Variants in STPG2 observed in about 807,000 individuals in gnomAD.
The protein encoded by STPG2 is sperm-tail PG-rich repeat-containing protein 2.
STPG2 carries 56 observed loss-of-function variants against 54.2 expected under a neutral mutation model. The observed-to-expected ratio is 1.03, with a 90% CI of 0.83 to 1.29. The LOEUF (loss-of-function observed/expected upper bound fraction) is 1.29, where lower values mean the gene tolerates loss of function less well. STPG2 is among the 50% of genes most tolerant of loss of function. The probability of loss-of-function intolerance (pLI) is 0.00; values close to 1 mark genes in which losing one functional copy is unlikely to be tolerated. For synonymous variants in STPG2, 200 were observed against 181.8 expected (o/e 1.10, Z -0.81); for missense variants, 596 against 544.9 (o/e 1.09, Z -0.93).
chr4:97,904,159 A>G (rs1731299583), intron 8 of STPG2, among the ~76,000 whole-genome samples: 1 of 152,210 alleles, frequency 6.6e-6, no homozygotes, highest in African/African-American at 2.4e-5. Context: ...GCACAGAAAA[A>G]CAAAAAGACA....
chr4:97,678,203 GT>G (rs1322034890), intron 10 of STPG2, among the ~76,000 whole-genome samples: 1 of 151,820 alleles, frequency 6.6e-6, no homozygotes, highest in East Asian at 1.9e-4. Flanking sequence ...CACTTACAGG[GT>G]TTTTTTCAGT....
chr4:97,744,681 G>T (rs1446659565), intron 9 of STPG2, among the ~76,000 whole-genome samples: 2 of 150,980 alleles, frequency 1.3e-5, no homozygotes, highest in Non-Finnish European at 3.0e-5. Context: ...TTATAAATTG[G>T]CACAGCAGGA....
chr4:97,474,693 A>T (rs1016823383), intron 4 of STPG2, among the ~76,000 whole-genome samples: 1 of 152,012 alleles, frequency 6.6e-6, no homozygotes, highest in South Asian at 2.1e-4. Flanking sequence ...ATTTTATTGA[A>T]TTTTTATAAA....
chr4:98,019,535 T>C (rs1343920669), intron 5 of STPG2, among the ~76,000 whole-genome samples: 1 of 151,924 alleles, frequency 6.6e-6, no homozygotes, highest in African/African-American at 2.4e-5. Context: ...TTAAAGTAGT[T>C]TTTTCCAATT....
At chr4:97,977,185 C>T (rs745975403) in intron 6 of STPG2, among the ~76,000 whole-genome samples, 1 of 152,170 alleles carries the variant, frequency 6.6e-6, no homozygotes, top group Non-Finnish European at 1.5e-5. Context: ...TTCCCTTTTA[C>T]TTCTCTGACA....
chr4:97,946,462 C>A (rs749601093), intron 7 of STPG2, among the ~76,000 whole-genome samples: 9 of 152,232 alleles, frequency 5.9e-5, no homozygotes, highest in Non-Finnish European at 1.3e-4. Context: ...GTCATGAATT[C>A]TTTGCCTAAG....
intron 4 of STPG2, among the ~76,000 whole-genome samples, chr4:97,456,893 A>AC (rs1438021420): frequency 5.4e-5 from 8 of 147,656 alleles, no homozygotes; most frequent in Non-Finnish European, 1.0e-4. Context: ...CTCCGTCTCA[A>AC]AAAAAAAAAA....
intron 7 of STPG2, among the ~76,000 whole-genome samples, chr4:97,961,868 T>C (rs1283379320): frequency 6.6e-6 from 1 of 152,074 alleles, no homozygotes; most frequent in African/African-American, 2.4e-5. Context: ...TATCTACCCA[T>C]AGGAAAAGTA....
At chr4:97,723,798 G>C (rs1391551656) in intron 9 of STPG2, among the ~76,000 whole-genome samples, 1 of 152,312 alleles carries the variant, frequency 6.6e-6, no homozygotes, top group East Asian at 1.9e-4. Context: ...AGGAGAGAGA[G>C]CATGAAGAGG....
chr4:97,565,129 G>T (rs558603312), intron 10 of STPG2, among the ~76,000 whole-genome samples: 7 of 152,012 alleles, frequency 4.6e-5, no homozygotes, highest in African/African-American at 1.7e-4. Context: ...GGCTTTGTTC[G>T]TTTCTTTTTA....
chr4:97,911,740 A>G (rs1479638370), intron 8 of STPG2, among the ~76,000 whole-genome samples: 1 of 152,154 alleles, frequency 6.6e-6, no homozygotes, highest in Non-Finnish European at 1.5e-5. Flanking sequence ...TTCACGGTTC[A>G]GCAGACATAG....
Position 97,778,781 on chromosome 4 carries a change from G to C in STPG2, c.1204+61992C>G, listed in dbSNP as rs182500345. ...CAACATTTGCTATTCAGCAATATTC[G>C]CTGTTCTGCAGCCTCTGCTACTGAT... On this transcript the variant is annotated intron_variant, in intron 9 of 10. Transcript: ENST00000295268. 9.2e-5 allele frequency among the ~76,000 whole-genome samples: 14 copies of C among 152,258 alleles called. 1 individual carries two copies. The highest frequency in any genetic ancestry group is 7.2e-4 in the Admixed American group (11 of 15,298).
chr4:97,553,099 T>C (rs926367691), intron 4 of STPG2, among the ~76,000 whole-genome samples: 28 of 152,218 alleles, frequency 1.8e-4, no homozygotes, highest in African/African-American at 6.5e-4. Context: ...AGTACATCTC[T>C]AATTTTCTCT....
rs542825686 is a variant in STPG2, at chr4:97,782,320, C to A, written c.1204+58453G>T. Among the ~76,000 whole-genome samples, 233 of 152,260 alleles carry A rather than the reference C, an allele frequency of 1.5e-3. 1 individual carries two copies. Among genetic ancestry groups the A allele is most frequent in the African/African-American group, 5.4e-3 (223 of 41,546 alleles). On this transcript the variant is annotated intron_variant, in intron 9 of 10. Coordinates refer to ENST00000295268, the MANE Select transcript of STPG2 (RefSeq NM_174952.3). ...GAGAGCCATATCATGAGTGAACTCC[C>A]ATTCACAATTGCTTCAAAGAGAATA...
At chr4:97,542,890 C>T (rs902564371) in intron 4 of STPG2, among the ~76,000 whole-genome samples, 5 of 151,968 alleles carry the variant, frequency 3.3e-5, no homozygotes, top group Non-Finnish European at 7.4e-5. Context: ...AACCTAACAC[C>T]GCATGTTCTC....
intron 10 of STPG2, among the ~76,000 whole-genome samples, chr4:97,675,369 T>C (rs1428530163): frequency 6.6e-6 from 1 of 152,178 alleles, no homozygotes; most frequent in Non-Finnish European, 1.5e-5. Flanking sequence ...TTAATTATAT[T>C]TGCAAGCCTG....
intron 5 of STPG2, among the ~76,000 whole-genome samples, chr4:97,989,428 T>C (rs1019226573): frequency 6.6e-6 from 1 of 152,168 alleles, no homozygotes; most frequent in African/African-American, 2.4e-5. Flanking sequence ...TGAAACCCTA[T>C]ATACACTATG....
At chr4:97,914,177 TTGTC>T (rs1731782861) in intron 8 of STPG2, among the ~76,000 whole-genome samples, 1 of 152,172 alleles carries the variant, frequency 6.6e-6, no homozygotes, top group Non-Finnish European at 1.5e-5. Context: ...AGAGTAATCT[TTGTC>T]TGAAAGTAAA....
chr4:97,684,026 A>T (rs1723113232), intron 10 of STPG2, among the ~76,000 whole-genome samples: 1 of 151,854 alleles, frequency 6.6e-6, no homozygotes, highest in Admixed American at 6.6e-5. Context: ...CAAAAATAGA[A>T]ACATTTACCT....
Sources: gnomAD v4.1 joint callset for allele counts (sites outside exome capture counted in the v4.1 genomes callset) on GRCh38, gnomAD v4.1.1 for gene constraint, MANE v1.5 for transcripts, NCBI Gene and HGNC (gene_info 2026-07-23, HGNC 2026-07-21) for gene names.